SAMD12: variants seen among roughly 807,000 people sequenced by gnomAD.
The protein encoded by SAMD12 is sterile alpha motif domain containing 12, also known as sterile alpha motif domain-containing protein 12.
A neutral mutation model predicts 15.0 loss-of-function variants in SAMD12; 9 were observed. That is an observed-to-expected ratio of 0.60 (90% CI 0.36 to 1.05). SAMD12 has a LOEUF of 1.05. Among genes scored for constraint, SAMD12 ranks in the 50% least tolerant of loss-of-function variants. SAMD12 has a pLI of 0.01. For synonymous variants in SAMD12, 86 were observed against 90.1 expected (o/e 0.96, Z 0.25); for missense variants, 230 against 234.2 (o/e 0.98, Z 0.12).
chr8:118,321,144 AATATATATATATATATAT>A (rs4053452), intron 4 of SAMD12, among the ~76,000 whole-genome samples: 4,256 of 94,510 alleles, frequency 0.045, 252 homozygotes, highest in African/African-American at 0.11. Flanking sequence ...ATAGATAATA[AATATATATATATATATAT>A]ATATATATAT....
chr8:118,256,484 T>G (rs1017212609), intron 4 of SAMD12, among the ~76,000 whole-genome samples: 7 of 152,028 alleles, frequency 4.6e-5, no homozygotes, highest in African/African-American at 1.7e-4. Context: ...AAGAACTTTA[T>G]CTAGGATAAA....
At position 118,379,623 on chromosome 8, in the gene SAMD12, A is replaced by G; in HGVS notation, c.400T>C (p.Leu134=). 1 of 1,613,952 alleles carries G rather than the reference A, an allele frequency of 6.2e-7. No homozygotes were observed. Among genetic ancestry groups the G allele is most frequent in the Admixed American group, 1.7e-5 (1 of 59,986 alleles). The change falls in exon 4 of 4, where the codon TTA becomes CTA. Residue 134 remains leucine, a synonymous_variant. Transcript: ENST00000314727. ...IAQENLRQHI[L]QQVLQLKVRE... is the part of the protein sequence containing the mutation. The stretch of plus-strand genomic sequence containing the variant: ...ACCTTCAGCTGGAGCACCTGTTGTA[A>G]GATGTGCTGCCGGAGGTTCTCCTGG...
At chr8:118,338,800 A>C (rs2514945) in intron 4 of SAMD12, among the ~76,000 whole-genome samples, 85,379 of 151,674 alleles carry the variant, frequency 0.56, 24,189 homozygotes, top group East Asian at 0.67. Flanking sequence ...AGGCATCCCT[A>C]CCTAACAATT....
chr8:118,557,610 G>C (rs1826578242), intron 2 of SAMD12, among the ~76,000 whole-genome samples: 1 of 152,200 alleles, frequency 6.6e-6, no homozygotes, highest in Non-Finnish European at 1.5e-5. Context: ...GTGGTACACA[G>C]ACTTTTTCAT....
At chr8:118,313,069 G>A (rs1815709371) in intron 4 of SAMD12, among the ~76,000 whole-genome samples, 4 of 152,154 alleles carry the variant, frequency 2.6e-5, no homozygotes, top group South Asian at 4.1e-4. Context: ...CAAAATTGGA[G>A]TTTTCCCTCC....
At chr8:118,291,634 C>T (rs899693764) in intron 4 of SAMD12, among the ~76,000 whole-genome samples, 27 of 152,154 alleles carry the variant, frequency 1.8e-4, no homozygotes, top group African/African-American at 6.0e-4. Flanking sequence ...TTACTAACTT[C>T]CTGAAGCTTC....
At position 118,572,586 on chromosome 8, in the gene SAMD12, G is replaced by A. The variant is rs1305066239; in HGVS notation, c.192+8129C>T. ...TCTCATGACAGAGAATAAGTCTCAC[G>A]AGACCTGATGGTATTTAAAAAAAGG... is the stretch of plus-strand genomic sequence containing the variant. On this transcript the variant is annotated intron_variant, in intron 2 of 3. Transcript: ENST00000314727. Among the ~76,000 whole-genome samples, 9 of 151,898 alleles carry A rather than the reference G, an allele frequency of 5.9e-5. 1 individual carries two copies. The highest frequency in any genetic ancestry group is 4.6e-4 in the Admixed American group (7 of 15,262).
intron 3 of SAMD12, among the ~76,000 whole-genome samples, chr8:118,428,874 C>CA (rs1369054335): frequency 1.3e-5 from 2 of 152,084 alleles, no homozygotes; most frequent in Non-Finnish European, 2.9e-5. Context: ...ATTAGGTGGG[C>CA]AAGTCCTCAA....
chr8:118,219,150 T>C (rs1812028647), intron 4 of SAMD12, among the ~76,000 whole-genome samples: 2 of 152,300 alleles, frequency 1.3e-5, no homozygotes, highest in South Asian at 4.1e-4. Flanking sequence ...GCCTGAACCT[T>C]GTAGGCATCT....
At chr8:118,174,970 C>CT in the SAMD12 span, among the ~76,000 whole-genome samples, 5 of 149,642 alleles carry the variant, frequency 3.3e-5, no homozygotes, top group African/African-American at 9.9e-5. Flanking sequence ...AGAACAGGAT[C>CT]TTTACCTGTG....
At chr8:118,597,730 C>G (rs916983180) in intron 1 of SAMD12, among the ~76,000 whole-genome samples, 12 of 152,224 alleles carry the variant, frequency 7.9e-5, no homozygotes, top group Non-Finnish European at 4.4e-5. Flanking sequence ...GTCACTCAAG[C>G]CTCCACCTAA....
At chr8:118,464,273 A>G (rs1823520811) in intron 2 of SAMD12, among the ~76,000 whole-genome samples, 2 of 152,228 alleles carry the variant, frequency 1.3e-5, no homozygotes, top group Non-Finnish European at 2.9e-5. Context: ...GTTGCAAAAC[A>G]GTGTAACATG....
intron 4 of SAMD12, among the ~76,000 whole-genome samples, chr8:118,209,614 C>G (rs1034921887): frequency 1.8e-4 from 27 of 152,074 alleles, no homozygotes; most frequent in African/African-American, 6.3e-4. Flanking sequence ...TGGTGGCCAT[C>G]AGCAGGATCT....
intron 3 of SAMD12, among the ~76,000 whole-genome samples, chr8:118,402,829 CCT>C (rs1354604679): frequency 6.6e-6 from 1 of 152,164 alleles, no homozygotes; most frequent in Non-Finnish European, 1.5e-5. Flanking sequence ...TACTATATGA[CCT>C]CTGATAACAC....
chr8:118,578,236 A>G (rs1202470132), intron 2 of SAMD12, among the ~76,000 whole-genome samples: 1 of 152,216 alleles, frequency 6.6e-6, no homozygotes, highest in Non-Finnish European at 1.5e-5. Flanking sequence ...AGGAAAAATT[A>G]TATCCCATTG....
At chr8:118,548,380 C>CATAT (rs921755937) in intron 2 of SAMD12, among the ~76,000 whole-genome samples, 10 of 107,554 alleles carry the variant, frequency 9.3e-5, no homozygotes, top group South Asian at 3.1e-4. Flanking sequence ...ACTAAAAACA[C>CATAT]ACATACACAC....
At chr8:118,347,827 G>A (rs1335132156) in intron 4 of SAMD12, among the ~76,000 whole-genome samples, 2 of 152,112 alleles carry the variant, frequency 1.3e-5, no homozygotes, top group East Asian at 1.9e-4. Flanking sequence ...TGTGTGTTAA[G>A]AGCTTTTTTA....
intron 4 of SAMD12, among the ~76,000 whole-genome samples, chr8:118,225,469 G>A (rs17485163): frequency 6.6e-6 from 1 of 152,124 alleles, no homozygotes; most frequent in Non-Finnish European, 1.5e-5. Flanking sequence ...CTGGCTCCTA[G>A]AAAGGATCTG....
intron 4 of SAMD12, among the ~76,000 whole-genome samples, chr8:118,237,003 C>G (rs1193302173): frequency 6.6e-6 from 1 of 152,082 alleles, no homozygotes; most frequent in Non-Finnish European, 1.5e-5. Flanking sequence ...GTAATAGCAG[C>G]CAGTTCTTTG....
Sources: allele counts gnomAD v4.1 joint callset (sites outside exome capture counted in the v4.1 genomes callset), GRCh38; gene constraint gnomAD v4.1.1; transcripts MANE v1.5; gene names NCBI Gene and HGNC (gene_info 2026-07-23, HGNC 2026-07-21).